The following RBM38 variants were observed in gnomAD, a reference collection of about 807,000 sequenced individuals.
RBM38 encodes RNA-binding protein 38.
Under a neutral mutation model 23.5 loss-of-function variants are expected in RBM38, and 11 were observed. The ratio of observed to expected loss-of-function variants is 0.47; its 90% confidence interval spans 0.29 to 0.77. The LOEUF (loss-of-function observed/expected upper bound fraction) is 0.77, where lower values mean the gene tolerates loss of function less well. RBM38 is among the 30% of genes least tolerant of loss of function. The probability of loss-of-function intolerance (pLI) is 0.08; values close to 1 mark genes in which losing one functional copy is unlikely to be tolerated. For missense variants in RBM38, 330 were observed against 351.9 expected (o/e 0.94, Z 0.50); for synonymous variants, 165 against 166.1 (o/e 0.99, Z 0.05).
chr20:57,391,965 T>G (rs1433665204), intron 1 of RBM38, 147 bp downstream of exon 1: 1 of 229,278 alleles, frequency 4.4e-6, no homozygotes, highest in African/African-American at 3.6e-5. Flanking sequence ...CTGCCGCCTC[T>G]CCCGGGCGCG....
intron 3 of RBM38, among the ~76,000 whole-genome samples, chr20:57,403,097 A>G (rs13037066): frequency 0.098 from 14,890 of 152,228 alleles, 993 homozygotes; most frequent in Middle Eastern, 0.15. Flanking sequence ...CGCACCTCAT[A>G]TTCCTAGTTG....
intron 3 of RBM38, among the ~76,000 whole-genome samples, chr20:57,405,053 G>A (rs1287992995): frequency 6.6e-6 from 1 of 152,210 alleles, no homozygotes; most frequent in African/African-American, 2.4e-5. Context: ...CTCCGCCCTT[G>A]TGCCGCCATG....
At position 57,407,583 on chromosome 20, in the gene RBM38, C is replaced by T. The variant is rs1279677643; in HGVS notation, c.457C>T (p.Pro153Ser). 1 of 1,613,630 alleles carries T rather than the reference C, an allele frequency of 6.2e-7. No individual in the cohort carries two copies. The highest frequency in any genetic ancestry group is 8.5e-7 in the Non-Finnish European group (1 of 1,179,852). Reference sequence around the variant, plus strand: ...CATCTACCCACCAGCCATCGTGCAGCCCAGCGTGGTGATCCCAGCCGCCCC... The same window carrying T: ...CATCTACCCACCAGCCATCGTGCAGTCCAGCGTGGTGATCCCAGCCGCCCC... ...HYIYPPAIVQPSVVIPAAPVP... is the reference protein window; with the variant it reads ...HYIYPPAIVQSSVVIPAAPVP... The change falls in exon 4 of 4, where the codon CCC (proline) becomes TCC (serine). Residue 153 changes from proline (P) to serine (S), a missense_variant. Transcript: ENST00000356208. The surrounding 1 kb of genome is among the most constrained non-coding windows in gnomAD (Gnocchi z 4.0).
At position 57,409,089 on chromosome 20, in the gene RBM38, A is replaced by C. The variant is rs1229197690; in HGVS notation, c.*1243A>C. On this transcript the variant is annotated 3_prime_UTR_variant, in exon 4 of 4. Coordinates refer to ENST00000356208, the MANE Select transcript of RBM38 (RefSeq NM_017495.6). Reference sequence around the variant, plus strand: ...TTCTGCCAGCCGTGGCAGGGCTGCTATGGGGCATCCAGGGCTGTGGGGGTC... The same window carrying C: ...TTCTGCCAGCCGTGGCAGGGCTGCTCTGGGGCATCCAGGGCTGTGGGGGTC... 6.6e-6 allele frequency: 1 copy of C among 151,004 alleles called. No individual in the cohort carries two copies. Among genetic ancestry groups the C allele is most frequent in the Non-Finnish European group, 1.5e-5 (1 of 67,860 alleles). The allele number at this position is 151,004 out of a possible 1,614,324, so 9.4% of individuals were successfully genotyped here. A position where few individuals can be genotyped will look rare whatever the true frequency, so the allele number is the denominator to read the frequency against.
chr20:57,405,216 GTTGGTGCATTTTGGT>G (rs2067369746), intron 3 of RBM38, among the ~76,000 whole-genome samples: 1 of 152,228 alleles, frequency 6.6e-6, no homozygotes, highest in African/African-American at 2.4e-5. Flanking sequence ...TGGTTTATGG[GTTGGTGCATTTTGGT>G]GCCTCTCCCA....
intron 3 of RBM38, among the ~76,000 whole-genome samples, chr20:57,399,044 C>T (rs1193573660): frequency 6.6e-6 from 1 of 152,182 alleles, no homozygotes; most frequent in Non-Finnish European, 1.5e-5. Context: ...CCGGTCCCAG[C>T]TCCTAATCAC....
intron 1 of RBM38, chr20:57,392,230 A>G: frequency 5.7e-6 from 2 of 350,342 alleles, no homozygotes; most frequent in Admixed American, 4.2e-5. Context: ...GCCGCCCCAA[A>G]TAAACATCAG....
intron 3 of RBM38, chr20:57,399,898 C>T (rs769863530): frequency 2.2e-6 from 1 of 456,326 alleles, no homozygotes; most frequent in South Asian, 1.5e-5. Flanking sequence ...GTGAAATGGG[C>T]TCATTTGCCT....
At chr20:57,395,823 A>G (rs967207047) in intron 3 of RBM38, among the ~76,000 whole-genome samples, 1 of 152,132 alleles carries the variant, frequency 6.6e-6, no homozygotes, top group Non-Finnish European at 1.5e-5. Flanking sequence ...TTTGTGAACA[A>G]TCAGGCCCCG....
At chr20:57,405,121 T>G (rs754992470) in intron 3 of RBM38, among the ~76,000 whole-genome samples, 1 of 152,158 alleles carries the variant, frequency 6.6e-6, no homozygotes, top group Non-Finnish European at 1.5e-5. Flanking sequence ...ATCCCCTCCT[T>G]CAAGAAGCCA....
chr20:57,405,294 G>C (rs2146219027), intron 3 of RBM38, among the ~76,000 whole-genome samples: 1 of 152,348 alleles, frequency 6.6e-6, no homozygotes, highest in Admixed American at 6.5e-5. Context: ...GCTCCTCTCT[G>C]CATCCTGGCA....
chr20:57,400,040 C>G (rs566341118), intron 3 of RBM38: 2 of 453,812 alleles, frequency 4.4e-6, no homozygotes, highest in Admixed American at 4.7e-5. Flanking sequence ...CTGTACTTCT[C>G]TCTCCCGCCC....
rs766487046 is a variant in RBM38, at chr20:57,407,647, C to T, written c.521C>T (p.Pro174Leu). 28 of 1,613,144 alleles carry T rather than the reference C, an allele frequency of 1.7e-5. No homozygotes were observed. The highest frequency in any genetic ancestry group is 2.7e-5 in the African/African-American group (2 of 74,930). ...TCCTCGCCCTACATTGAGTACACGC[C>T]GGCCAGCCCGGCCTACGCCCAGTAC... ...SLSSPYIEYT[P>L]ASPAYAQYPP... The change falls in exon 4 of 4, where the codon CCG becomes CTG. Residue 174 changes from proline (P) to leucine (L), a missense_variant. Physicochemically the swap from Pro to Leu is moderately conservative, Grantham distance 98. This residue lies in a region of RBM38 where 227 missense variants were observed against 216.4 expected (regional missense o/e 1.05). Coordinates refer to ENST00000356208, the MANE Select transcript of RBM38 (RefSeq NM_017495.6). The surrounding 1 kb of genome is among the most constrained non-coding windows in gnomAD (Gnocchi z 4.0).
intron 3 of RBM38, among the ~76,000 whole-genome samples, chr20:57,396,164 C>T (rs1317563523): frequency 6.6e-6 from 1 of 152,206 alleles, no homozygotes. Flanking sequence ...GCCGGAGTTT[C>T]CTTGCCTCTT....
At chr20:57,392,958 T>TCTA in intron 2 of RBM38, 181 bp downstream of exon 2, 1 of 864,804 alleles carries the variant, frequency 1.2e-6, no homozygotes, top group South Asian at 1.8e-5. Flanking sequence ...TCTCACAGCG[T>TCTA]GTGGCCCAAA....
rs1222053085 is a variant in RBM38, at chr20:57,407,791, G to A, written c.665G>A (p.Gly222Asp). 1.9e-6 allele frequency: 3 copies of A among 1,602,364 alleles called. No individual in the cohort carries two copies. Among genetic ancestry groups the A allele is most frequent in the Non-Finnish European group, 2.6e-6 (3 of 1,176,368 alleles). Residue 222 changes from glycine (G) to aspartate (D), a missense_variant, in exon 4 of 4, where the codon GGC becomes GAC. This residue lies in a region of RBM38 where 227 missense variants were observed against 216.4 expected (regional missense o/e 1.05). Transcript: ENST00000356208. This position sits in a 1 kb window ranked among gnomAD's most constrained non-coding sequence, Gnocchi z 4.0. ...PQALSAAAPA[G>D]TTFVQYQAPQ... Reference sequence around the variant, plus strand: ...GCCCTCTCAGCCGCAGCACCCGCGGGCACCACTTTCGTGCAGTACCAGGCG... The same window carrying A: ...GCCCTCTCAGCCGCAGCACCCGCGGACACCACTTTCGTGCAGTACCAGGCG...
chr20:57,407,455 G>A lies in RBM38; in HGVS notation c.417-88G>A. 7.1e-7 allele frequency: 1 copy of A among 1,415,444 alleles called. No homozygotes were observed. Among genetic ancestry groups the A allele is most frequent in the Non-Finnish European group, 9.6e-7 (1 of 1,037,298 alleles). 87.7% of individuals were successfully genotyped at this position (1,415,444 alleles called of 1,614,324 possible). On this transcript the variant is annotated intron_variant, in intron 3 of 3. Transcript: ENST00000356208. This position sits in a 1 kb window ranked among gnomAD's most constrained non-coding sequence, Gnocchi z 4.0. ...GAGGAAAGTCGGGGCTCGGGGTGGG[G>A]GGCGGCACGCATCGTGTACCCCACT...
Position 57,407,551 on chromosome 20 carries a change from C to T in RBM38, c.425C>T (p.Pro142Leu). The stretch of plus-strand genomic sequence containing the variant: ...TCTGCTTGGCCCCACAGGCTGACCC[C>T]GCACTACATCTACCCACCAGCCATC... ...TLIQRTYGLT[P>L]HYIYPPAIVQ... Residue 142 changes from proline (P) to leucine (L), a missense_variant, in exon 4 of 4, where the codon CCG (proline) becomes CTG (leucine). Pro to Leu is a moderately conservative substitution (Grantham distance 98). Around this residue, in one of 3 missense-constraint regions of RBM38, gnomAD observed 227 missense variants for 216.4 expected, o/e 1.05. Coordinates refer to ENST00000356208, the MANE Select transcript of RBM38 (RefSeq NM_017495.6). The surrounding 1 kb of genome is among the most constrained non-coding windows in gnomAD (Gnocchi z 4.0). 8 of 1,613,544 alleles carry T rather than the reference C, an allele frequency of 5.0e-6. No homozygotes were observed. The highest frequency in any genetic ancestry group is 3.3e-5 in the South Asian group (3 of 91,030).
rs191918724 is a variant in RBM38 at position 57,401,580 on chromosome 20, C to T, written c.417-5963C>T. On this transcript the variant is annotated intron_variant, in intron 3 of 3. Transcript: ENST00000356208. Reference sequence around the variant, plus strand: ...ACCTGCTGTGCTGGGGCACTTGGGACGCAGCAGCTGAGACCCTGCTCTTGT... The same window carrying T: ...ACCTGCTGTGCTGGGGCACTTGGGATGCAGCAGCTGAGACCCTGCTCTTGT... Among the ~76,000 whole-genome samples, 382 of 152,310 alleles carry T rather than the reference C, an allele frequency of 2.5e-3. 1 individual carries two copies. Among genetic ancestry groups the T allele is most frequent in the Admixed American group, 6.4e-3 (98 of 15,310 alleles).
Sources: allele counts gnomAD v4.1 joint callset (sites outside exome capture counted in the v4.1 genomes callset), GRCh38; gene constraint gnomAD v4.1.1; regional missense constraint gnomAD v4.1.1; non-coding constraint Gnocchi (gnomAD v3.1); transcripts MANE v1.5; gene names NCBI Gene and HGNC (gene_info 2026-07-23, HGNC 2026-07-21).